Variants in TFDP2 observed in about 807,000 individuals in gnomAD.
TFDP2 encodes transcription factor Dp-2 (E2F dimerization partner 2).
Under a neutral mutation model 59.3 loss-of-function variants are expected in TFDP2, and 17 were observed. The ratio of observed to expected loss-of-function variants is 0.29; its 90% CI spans 0.20 to 0.43. The LOEUF is 0.43. TFDP2 is among the 20% of genes least tolerant of loss of function. The pLI is 1.00. For synonymous variants in TFDP2, 180 were observed against 194.7 expected, an observed-to-expected ratio of 0.92 and a Z score of 0.63; for missense variants, 391 against 528.8, an observed-to-expected ratio of 0.74 and a Z score of 2.56.
intron 3 of TFDP2, among the ~76,000 whole-genome samples, chr3:142,022,542 TAA>T (rs1945697010): frequency 6.6e-6 from 1 of 152,058 alleles, no homozygotes; most frequent in Admixed American, 6.6e-5. Context: ...ACAGGCCTAG[TAA>T]AAGAGAAAGC....
intron 9 of TFDP2, among the ~76,000 whole-genome samples, chr3:141,968,992 C>T (rs186974997): frequency 3.5e-5 from 3 of 86,502 alleles, no homozygotes; most frequent in East Asian, 3.0e-4. Context: ...ATATATATAA[C>T]ATATATCTCA....
intron 3 of TFDP2, among the ~76,000 whole-genome samples, chr3:142,041,506 A>G (rs527503687): frequency 6.6e-6 from 1 of 152,216 alleles, no homozygotes; most frequent in Non-Finnish European, 1.5e-5. Flanking sequence ...CTTGCCTGCC[A>G]TCATGTAAGA....
intron 1 of TFDP2, among the ~76,000 whole-genome samples, chr3:142,117,026 A>G (rs2061873207): frequency 6.6e-6 from 1 of 152,006 alleles, no homozygotes; most frequent in Non-Finnish European, 1.5e-5. Context: ...AGCTCAAGCG[A>G]TTCTCCTGCC....
chr3:142,056,473 G>A (rs2059750984), intron 3 of TFDP2, among the ~76,000 whole-genome samples: 1 of 152,046 alleles, frequency 6.6e-6, no homozygotes, highest in Non-Finnish European at 1.5e-5. Flanking sequence ...AACCCAGAAA[G>A]GCTGTCAGAT....
intron 1 of TFDP2, among the ~76,000 whole-genome samples, chr3:142,123,724 A>G (rs2062134716): frequency 6.6e-6 from 1 of 152,238 alleles, no homozygotes; most frequent in South Asian, 2.1e-4. Flanking sequence ...TCACTAAAGA[A>G]ACAATCCCAT....
In TFDP2 at chr3:142,048,907, A is replaced by G. The variant is rs1217143016; in HGVS notation, c.83-43363T>C. 2.6e-5 allele frequency among the ~76,000 whole-genome samples: 4 copies of G among 152,200 alleles called. No individual in the cohort carries two copies. The South Asian group carries it at 8.3e-4, about 31-fold the overall frequency. ...AACTGCCTCTATCACTTGGGAAATT[A>G]ACTGCTCTGAGTCTCCGTTTTATCC... On this transcript the variant is annotated intron_variant, in intron 3 of 12. Coordinates refer to ENST00000489671, the MANE Select transcript of TFDP2 (RefSeq NM_001178139.2).
intron 6 of TFDP2, among the ~76,000 whole-genome samples, chr3:141,982,300 G>A (rs1346041287): frequency 6.6e-6 from 1 of 152,062 alleles, no homozygotes; most frequent in Non-Finnish European, 1.5e-5. Context: ...TGTTGTGTAT[G>A]GGATTATATA....
In TFDP2 at chr3:141,950,282, A is replaced by T. The variant is rs1935802663; in HGVS notation, c.*2231T>A. 1 of 152,180 alleles carries T rather than the reference A, an allele frequency of 6.6e-6. No homozygotes were observed. The highest frequency in any genetic ancestry group is 2.4e-5 in the African/African-American group (1 of 41,430). 9.4% of individuals were successfully genotyped at this position (152,180 alleles called of 1,614,324 possible). A position where few individuals can be genotyped will look rare whatever the true frequency, so the allele number is the denominator to read the frequency against. Reference sequence around the variant, plus strand: ...CCAGCGACATGTACTGGTGACCATGATGTCACTCTGTGAGCTGGCCTCACC... The same window carrying T: ...CCAGCGACATGTACTGGTGACCATGTTGTCACTCTGTGAGCTGGCCTCACC... On this transcript the variant is annotated 3_prime_UTR_variant, in exon 13 of 13. Transcript: ENST00000489671.
At chr3:142,043,541 C>T (rs1947136015) in intron 3 of TFDP2, 2 of 626,692 alleles carry the variant, frequency 3.2e-6, no homozygotes, top group East Asian at 5.7e-5. Context: ...TTTATTTTTA[C>T]AAGCAGATAA....
intron 3 of TFDP2, chr3:142,028,610 T>C (rs1946268727): frequency 2.0e-6 from 2 of 985,268 alleles, no homozygotes; most frequent in Admixed American, 6.1e-5. Flanking sequence ...CTCACTGCAG[T>C]ACCAACAACA....
chr3:142,044,226 GTTTTTTTTTT>G (rs142598439), intron 3 of TFDP2: 80 of 118,262 alleles, frequency 6.8e-4, no homozygotes, highest in Non-Finnish European at 1.1e-3. Context: ...CAGCAAAAGG[GTTTTTTTTTT>G]TTTTTTTTTT....
At chr3:142,038,859 A>G (rs1946823273) in intron 3 of TFDP2, among the ~76,000 whole-genome samples, 1 of 152,230 alleles carries the variant, frequency 6.6e-6, no homozygotes, top group Non-Finnish European at 1.5e-5. Context: ...ACTGTTAATT[A>G]TCATGCTACT....
At chr3:142,050,357 C>T (rs893559111) in intron 3 of TFDP2, among the ~76,000 whole-genome samples, 3 of 151,978 alleles carry the variant, frequency 2.0e-5, no homozygotes, top group African/African-American at 7.2e-5. Context: ...CCTTCTGCGA[C>T]ACTGAATTGC....
chr3:142,090,827 C>T (rs2060972259), intron 3 of TFDP2: 1 of 152,346 alleles, frequency 6.6e-6, no homozygotes, highest in Admixed American at 6.5e-5. Flanking sequence ...CCCCAAAGTG[C>T]TGGGATTACA....
At chr3:141,999,829 G>A (rs1487506145) in intron 4 of TFDP2, among the ~76,000 whole-genome samples, 6 of 151,178 alleles carry the variant, frequency 4.0e-5, no homozygotes, top group Admixed American at 1.3e-4. Flanking sequence ...TCCGCCTCCC[G>A]GGTTCATGCC....
chr3:141,963,919 C>T lies in TFDP2; in HGVS notation c.777G>A (p.Glu259=), dbSNP rs760943251. The T allele has an allele frequency of 1.1e-5, 17 of 1,613,608 alleles. No individual in the cohort carries two copies. In the South Asian group the frequency reaches 1.9e-4, roughly 18 times the overall value. ...KNLVQRNRQN[E]QQNQGPPALN... The stretch of plus-strand genomic sequence containing the variant: ...GAGCCGGCGGGCCCTGGTTTTGCTG[C>T]TCATTTTGTCGATTTCTCTGTACCA... Residue 259 remains glutamate, a synonymous_variant, in exon 10 of 13, where the codon GAG becomes GAA. Coordinates refer to ENST00000489671, the MANE Select transcript of TFDP2 (RefSeq NM_001178139.2).
intron 6 of TFDP2, among the ~76,000 whole-genome samples, chr3:141,982,355 C>T (rs949507889): frequency 2.0e-5 from 3 of 152,038 alleles, no homozygotes; most frequent in African/African-American, 7.2e-5. Context: ...ATAAATTTCT[C>T]AACTTAGTGG....
intron 3 of TFDP2, among the ~76,000 whole-genome samples, chr3:142,071,996 T>C (rs1477435999): frequency 6.6e-6 from 1 of 152,008 alleles, no homozygotes; most frequent in South Asian, 2.1e-4. Flanking sequence ...ACTAAAGCTA[T>C]AAGAATAGGT....
chr3:142,004,751 T>C (rs1944081450), intron 4 of TFDP2, among the ~76,000 whole-genome samples: 1 of 152,208 alleles, frequency 6.6e-6, no homozygotes, highest in Non-Finnish European at 1.5e-5. Flanking sequence ...GGTCACAGAT[T>C]CCATTTATGT....
Sources: allele counts gnomAD v4.1 joint callset (sites outside exome capture counted in the v4.1 genomes callset), GRCh38; gene constraint gnomAD v4.1.1; transcripts MANE v1.5; gene names NCBI Gene and HGNC (gene_info 2026-07-23, HGNC 2026-07-21).